Variants in MRC1 observed in about 807,000 individuals in gnomAD.
The protein encoded by MRC1 is mannose receptor C-type 1, also known as macrophage mannose receptor 1.
A neutral mutation model predicts 102.9 loss-of-function variants in MRC1; 62 were observed. The observed-to-expected ratio is 0.60, with a 90% confidence interval of 0.49 to 0.74. The LOEUF (loss-of-function observed/expected upper bound fraction) is 0.74. MRC1 is among the 30% of genes least tolerant of loss of function. MRC1 has a pLI of 0.00. For missense variants in MRC1, 1,237 were observed against 862.8 expected (o/e 1.43, Z -5.43); for synonymous variants, 457 against 298.4 (o/e 1.53, Z -5.48).
At chr10:17,849,268 C>T (rs1838875445) in intron 6 of MRC1, among the ~76,000 whole-genome samples, 3 of 147,184 alleles carry the variant, frequency 2.0e-5, no homozygotes, top group Non-Finnish European at 4.4e-5. Context: ...CACCACCGCA[C>T]TCTGGCCTGG....
rs2130728416 is a variant in MRC1, at chr10:17,909,488, C to A, written c.4120+141C>A. On this transcript the variant is annotated intron_variant, in intron 29 of 29. Coordinates refer to ENST00000569591, the MANE Select transcript of MRC1 (RefSeq NM_002438.4). Reference sequence around the variant, plus strand: ...AAGCTAAACTATCCTTTGTCATCAGCCTACTTTGAATAATACTTTAGAAAA... The same window carrying A: ...AAGCTAAACTATCCTTTGTCATCAGACTACTTTGAATAATACTTTAGAAAA... 3 of 662,020 alleles carry A rather than the reference C, an allele frequency of 4.5e-6. No individual in the cohort carries two copies. In the East Asian group the frequency reaches 7.7e-5, roughly 17 times the overall value. 41.0% of individuals were successfully genotyped at this position (662,020 alleles called of 1,614,324 possible).
chr10:17,879,368 T>C (rs1481524802), intron 18 of MRC1, among the ~76,000 whole-genome samples: 2 of 152,126 alleles, frequency 1.3e-5, no homozygotes, highest in East Asian at 1.9e-4. Flanking sequence ...CTATTCTTTT[T>C]TATGAGGTGG....
intron 22 of MRC1, among the ~76,000 whole-genome samples, chr10:17,893,032 G>A (rs1554843252): frequency 1.3e-5 from 2 of 149,018 alleles, no homozygotes; most frequent in East Asian, 3.9e-4. Flanking sequence ...AAAAATAGAA[G>A]ATAACTGTGA....
At chr10:17,899,851 C>G (rs1833804567) in intron 24 of MRC1, among the ~76,000 whole-genome samples, 1 of 152,068 alleles carries the variant, frequency 6.6e-6, no homozygotes, top group Non-Finnish European at 1.5e-5. Flanking sequence ...GTAACCCCAG[C>G]AGTTTGGGAG....
chr10:17,866,941 T>C lies in MRC1; in HGVS notation c.1983+180T>C, dbSNP rs913893783. ...ATTGTTTAAGAGCTCCTTGGGTAGA[T>C]GTATTTAGACCCACAAATACAACCA... On this transcript the variant is annotated intron_variant, in intron 12 of 29. Coordinates refer to ENST00000569591, the MANE Select transcript of MRC1 (RefSeq NM_002438.4). Among the ~76,000 whole-genome samples, 7 of 152,168 alleles carry C rather than the reference T, an allele frequency of 4.6e-5. No homozygotes were observed. The East Asian group carries it at 1.2e-3, about 25-fold the overall frequency.
chr10:17,885,544 G>A, intron 22 of MRC1, 109 bp downstream of exon 22: 1 of 710,544 alleles, frequency 1.4e-6, no homozygotes. Context: ...TCCTTGATCT[G>A]TTCTATGCTT....
chr10:17,901,866 T>A (rs1833834142), intron 25 of MRC1, 107 bp from the exon 26 acceptor site: 1 of 768,716 alleles, frequency 1.3e-6, no homozygotes, highest in African/African-American at 1.7e-5. Flanking sequence ...TTGGAAGATT[T>A]TTTAAAATAA....
At chr10:17,893,837 A>G (rs1249681451) in intron 22 of MRC1, among the ~76,000 whole-genome samples, 1 of 152,238 alleles carries the variant, frequency 6.6e-6, no homozygotes, top group African/African-American at 2.4e-5. Flanking sequence ...CTTTAAAAAT[A>G]TGGTACCTAC....
Position 17,902,122 on chromosome 10 carries a change from G to T in MRC1, c.3799G>T (p.Gly1267Cys). The change falls in exon 26 of 30, where the codon GGT becomes TGT. Residue 1267 changes from glycine (G) to cysteine (C), a missense_variant and splice_region_variant. Coordinates refer to ENST00000569591, the MANE Select transcript of MRC1 (RefSeq NM_002438.4). ...GQASLECLRM[G>C]SSLVSIESAA... ...AGCTTCTCTGGAATGTCTTCGAATG[G>T]GTGAGTGCCACATTTCCTGAAGGAA... is the stretch of plus-strand genomic sequence containing the variant. 1 of 779,230 alleles carries T rather than the reference G, an allele frequency of 1.3e-6. No individual in the cohort carries two copies. The highest frequency in any genetic ancestry group is 2.4e-6 in the Non-Finnish European group (1 of 417,090). 48.3% of individuals were successfully genotyped at this position (779,230 alleles called of 1,614,324 possible). A position where few individuals can be genotyped will look rare whatever the true frequency, so the allele number is the denominator to read the frequency against.
intron 24 of MRC1, among the ~76,000 whole-genome samples, chr10:17,898,951 A>C (rs1366447396): frequency 6.6e-6 from 1 of 152,196 alleles, no homozygotes; most frequent in Non-Finnish European, 1.5e-5. Context: ...ATTAAGATAT[A>C]AGAAGTATCA....
chr10:17,879,642 C>T (rs547550494), intron 18 of MRC1, 79 bp from the exon 19 acceptor site: 19 of 780,496 alleles, frequency 2.4e-5, no homozygotes, highest in South Asian at 1.3e-4. Context: ...GGATTACAGG[C>T]GTGAGCCACT....
At chr10:17,841,428 T>C (rs1185599834) in intron 5 of MRC1, among the ~76,000 whole-genome samples, 2 of 152,196 alleles carry the variant, frequency 1.3e-5, no homozygotes, top group Non-Finnish European at 2.9e-5. Flanking sequence ...TATTCCATAC[T>C]AGCATAAAAA....
At chr10:17,906,298 CTTTTTTT>C (rs1184231740) in intron 26 of MRC1, among the ~76,000 whole-genome samples, 2 of 136,302 alleles carry the variant, frequency 1.5e-5, no homozygotes, top group African/African-American at 5.4e-5. Context: ...TAACCCATGT[CTTTTTTT>C]TTTTTTTTTG....
At chr10:17,841,491 T>G (rs1167331167) in intron 5 of MRC1, among the ~76,000 whole-genome samples, 1 of 152,220 alleles carries the variant, frequency 6.6e-6, no homozygotes, top group Admixed American at 6.5e-5. Flanking sequence ...TTGGGGATGA[T>G]AAAACCTACA....
Position 17,840,825 on chromosome 10 carries a change from G to A in MRC1, c.916+19G>A, listed in dbSNP as rs782069840. On this transcript the variant is annotated intron_variant, in intron 5 of 29. Transcript: ENST00000569591. The stretch of plus-strand genomic sequence containing the variant: ...TTACCAGGTAGGGTTAAGCCTGTTT[G>A]TGTCGAATTAATCCAAATTTAAGTC... The A allele has an allele frequency of 1.3e-6, 1 of 780,818 alleles. No individual in the cohort carries two copies. Among genetic ancestry groups the A allele is most frequent in the Non-Finnish European group, 2.4e-6 (1 of 417,930 alleles). The allele number at this position is 780,818 out of a possible 1,614,324, so 48.4% of individuals were successfully genotyped here. A position where few individuals can be genotyped will look rare whatever the true frequency, so the allele number is the denominator to read the frequency against.
chr10:17,809,875 A>G (rs911487255), intron 1 of MRC1, among the ~76,000 whole-genome samples: 11 of 152,164 alleles, frequency 7.2e-5, no homozygotes, highest in Non-Finnish European at 1.3e-4. Context: ...CTGGTTTTCA[A>G]TTCACACTAT....
At chr10:17,815,565 T>G (rs147243309) in intron 1 of MRC1, among the ~76,000 whole-genome samples, 1 of 151,890 alleles carries the variant, frequency 6.6e-6, no homozygotes, top group African/African-American at 2.4e-5. Flanking sequence ...TTCTACTGAC[T>G]TGGGAGCGAA....
Position 17,902,025 on chromosome 10 carries a change from T to G in MRC1, c.3702T>G (p.Asp1234Glu). ...PQLPGRCPESDHTAWIPFHGH... is the reference protein window; with the variant it reads ...PQLPGRCPESEHTAWIPFHGH... ...TGCCTGGCAGATGCCCGGAGTCAGA[T>G]CACACAGCATGGATTCCTTTCCATG... Residue 1234 changes from aspartate (D) to glutamate (E), a missense_variant, in exon 26 of 30, where the codon GAT (aspartate) becomes GAG (glutamate). By Grantham distance (45) the Asp-to-Glu change is conservative. Coordinates refer to ENST00000569591, the MANE Select transcript of MRC1 (RefSeq NM_002438.4). 1 of 780,824 alleles carries G rather than the reference T, an allele frequency of 1.3e-6. No homozygotes were observed. Among genetic ancestry groups the G allele is most frequent in the Non-Finnish European group, 2.4e-6 (1 of 417,944 alleles). The allele number at this position is 780,824 out of a possible 1,614,324, so 48.4% of individuals were successfully genotyped here.
chr10:17,877,627 G>A (rs1833455127), intron 17 of MRC1, among the ~76,000 whole-genome samples: 1 of 151,950 alleles, frequency 6.6e-6, no homozygotes, highest in Non-Finnish European at 1.5e-5. Context: ...TAGTTACATT[G>A]TTGAAGACAT....
Sources: gnomAD v4.1 joint callset for allele counts (sites outside exome capture counted in the v4.1 genomes callset) on GRCh38, gnomAD v4.1.1 for gene constraint, MANE v1.5 for transcripts, NCBI Gene and HGNC (gene_info 2026-07-23, HGNC 2026-07-21) for gene names.